GSE1: variants seen among roughly 807,000 people sequenced by gnomAD.
The protein encoded by GSE1 is Gse1 coiled-coil protein, also known as genetic suppressor element 1.
A neutral mutation model predicts 112.6 loss-of-function variants in GSE1; 32 were observed. That is an observed-to-expected ratio of 0.28 (90% CI 0.21 to 0.38). The LOEUF (loss-of-function observed/expected upper bound fraction) is 0.38. GSE1 is among the 10% of genes least tolerant of loss of function. The pLI, the probability that GSE1 is intolerant of heterozygous loss-of-function variation, is 1.00. For synonymous variants in GSE1, 1,115 were observed against 735.6 expected (o/e 1.52, Z -8.35); for missense variants, 2,348 against 1,699.2 (o/e 1.38, Z -6.71).
At chr16:85,540,298 A>C in intron 2 of GSE1, among the ~76,000 whole-genome samples, 1 of 152,166 alleles carries the variant, frequency 6.6e-6, no homozygotes, top group Non-Finnish European at 1.5e-5. Flanking sequence ...TTGATGTTCA[A>C]TGGGCAGCAC....
At chr16:85,244,469 A>T (rs556040753) in intron 1 of GSE1, among the ~76,000 whole-genome samples, 128 of 152,306 alleles carry the variant, frequency 8.4e-4, no homozygotes, top group African/African-American at 3.0e-3. Flanking sequence ...AAGAAAATTA[A>T]TTTGTGTTTT....
chr16:85,337,546 C>A (rs1254120746), intron 1 of GSE1, among the ~76,000 whole-genome samples: 2 of 152,076 alleles, frequency 1.3e-5, no homozygotes, highest in Non-Finnish European at 2.9e-5. Flanking sequence ...ACCTCGTGAT[C>A]CGCCCGCCTC....
At chr16:85,646,803 T>C (rs2050905411) in intron 2 of GSE1, among the ~76,000 whole-genome samples, 1 of 151,312 alleles carries the variant, frequency 6.6e-6, no homozygotes. Context: ...CAGCAGAGCT[T>C]CTGGAACCCC....
chr16:85,529,943 T>C (rs1174112508), intron 2 of GSE1, among the ~76,000 whole-genome samples: 2 of 152,228 alleles, frequency 1.3e-5, no homozygotes, highest in Non-Finnish European at 1.5e-5. Context: ...CTCCTGTGTG[T>C]GGACAGGCAC....
intron 2 of GSE1, among the ~76,000 whole-genome samples, chr16:85,397,905 C>G (rs903328827): frequency 6.6e-6 from 1 of 150,984 alleles, no homozygotes; most frequent in Non-Finnish European, 1.5e-5. Context: ...CCCCGCAGAC[C>G]AGGGGCTGCC....
Position 85,332,909 on chromosome 16 carries a change from C to A in GSE1, c.2284-24554C>A, listed in dbSNP as rs147611178. Among the ~76,000 whole-genome samples the A allele has an allele frequency of 6.2e-3, 950 of 152,172 alleles. 8 individuals are homozygous for A. The highest frequency in any genetic ancestry group is 0.02 in the African/African-American group (832 of 41,508). Reference sequence around the variant, plus strand: ...GTCCCACCTCAGAACCCCCCTTTATCCCCTGTACCAGCCGGGGCCTTTGTG... The same window carrying A: ...GTCCCACCTCAGAACCCCCCTTTATACCCTGTACCAGCCGGGGCCTTTGTG... On this transcript the variant is annotated intron_variant, in intron 1 of 2. Coordinates refer to the GSE1 transcript ENST00000637419.
At position 85,672,382 on chromosome 16, in the gene GSE1, G is replaced by A. The variant is rs566593633; in HGVS notation, c.3520-23G>A. On this transcript the variant is annotated intron_variant, in intron 15 of 15. Transcript: ENST00000253458. ...CTTACAGAGGAAACGGGTTGGTTTTGACACAAATTTCCCTCTCTCCAGGAG... is the reference window on the plus strand; with the variant it reads ...CTTACAGAGGAAACGGGTTGGTTTTAACACAAATTTCCCTCTCTCCAGGAG... 2.5e-6 allele frequency: 4 copies of A among 1,597,060 alleles called. No individual in the cohort carries two copies. In the South Asian group the frequency reaches 3.3e-5, roughly 13 times the overall value.
chr16:85,282,316 G>A (rs576608271), intron 1 of GSE1, among the ~76,000 whole-genome samples: 18 of 152,204 alleles, frequency 1.2e-4, no homozygotes, highest in Non-Finnish European at 2.4e-4. Context: ...GTGAGCCACC[G>A]CGCCCGGCTG....
At chr16:85,556,964 G>C (rs2045259525) in intron 1 of GSE1, among the ~76,000 whole-genome samples, 1 of 152,092 alleles carries the variant, frequency 6.6e-6, no homozygotes, top group South Asian at 2.1e-4. Flanking sequence ...ACCTTCCTGC[G>C]CGGTGACAGC....
chr16:85,404,132 C>G (rs1211846109), intron 2 of GSE1, among the ~76,000 whole-genome samples: 1 of 131,384 alleles, frequency 7.6e-6, no homozygotes, highest in Non-Finnish European at 1.7e-5. Flanking sequence ...ACTCAGGGCC[C>G]CCCTGGATAA....
chr16:85,252,404 T>C (rs1906586648), intron 1 of GSE1, among the ~76,000 whole-genome samples: 1 of 152,228 alleles, frequency 6.6e-6, no homozygotes, highest in Non-Finnish European at 1.5e-5. Context: ...TGTACGTGCA[T>C]GAAATTACTG....
At chr16:85,331,619 GTGTA>G (rs1466602218) in intron 1 of GSE1, among the ~76,000 whole-genome samples, 14 of 79,524 alleles carry the variant, frequency 1.8e-4, no homozygotes, top group South Asian at 4.3e-4. Flanking sequence ...GTATATATGT[GTGTA>G]TATATGTGTA....
rs369551561 is a variant in GSE1 at position 85,447,738 on chromosome 16, T to C, written c.2464+90095T>C. Among the ~76,000 whole-genome samples the C allele has an allele frequency of 4.6e-5, 7 of 152,344 alleles. 1 individual carries two copies. The highest frequency in any genetic ancestry group is 3.9e-4 in the East Asian group (2 of 5,186). On this transcript the variant is annotated intron_variant, in intron 2 of 2. Transcript: ENST00000637419. ...TGGAGGCTGAATTGAGAAGAAAGACTGGCAGTGAGCTGCTGAGGCTTCCAA... is the reference window on the plus strand; with the variant it reads ...TGGAGGCTGAATTGAGAAGAAAGACCGGCAGTGAGCTGCTGAGGCTTCCAA...
chr16:85,636,274 C>T (rs994173836), intron 2 of GSE1, among the ~76,000 whole-genome samples: 1 of 152,204 alleles, frequency 6.6e-6, no homozygotes, highest in Non-Finnish European at 1.5e-5. Context: ...CCCATCGGTT[C>T]ACTCACCCAC....
At chr16:85,619,895 G>A (rs1162339417) in intron 1 of GSE1, among the ~76,000 whole-genome samples, 1 of 152,084 alleles carries the variant, frequency 6.6e-6, no homozygotes, top group Non-Finnish European at 1.5e-5. Flanking sequence ...TAGAGGAGCA[G>A]AAACCCACAC....
intron 2 of GSE1, among the ~76,000 whole-genome samples, chr16:85,545,735 G>C (rs1306575749): frequency 6.6e-6 from 1 of 152,208 alleles, no homozygotes; most frequent in Non-Finnish European, 1.5e-5. Context: ...AGGAGACCTA[G>C]AGACCTATGG....
At chr16:85,353,323 G>C (rs1275017653) in intron 1 of GSE1, among the ~76,000 whole-genome samples, 1 of 152,240 alleles carries the variant, frequency 6.6e-6, no homozygotes, top group Non-Finnish European at 1.5e-5. Flanking sequence ...ATACAAGTTC[G>C]TGTGCGGATG....
chr16:85,282,315 C>G (rs1466650593), intron 1 of GSE1, among the ~76,000 whole-genome samples: 1 of 152,206 alleles, frequency 6.6e-6, no homozygotes, highest in Non-Finnish European at 1.5e-5. Context: ...CGTGAGCCAC[C>G]GCGCCCGGCT....
chr16:85,376,563 G>T (rs768842139), intron 2 of GSE1, among the ~76,000 whole-genome samples: 1 of 152,216 alleles, frequency 6.6e-6, no homozygotes, highest in South Asian at 2.1e-4. Context: ...CCGGGCGTGT[G>T]GTCCTGGCTG....
Sources: gnomAD v4.1 joint callset for allele counts (sites outside exome capture counted in the v4.1 genomes callset) on GRCh38, gnomAD v4.1.1 for gene constraint, MANE v1.5 for transcripts, NCBI Gene and HGNC (gene_info 2026-07-23, HGNC 2026-07-21) for gene names.